KIZ: variants seen among roughly 807,000 people sequenced by gnomAD.
KIZ encodes kizuna centrosomal protein, also known as centrosomal protein kizuna.
In KIZ, 68 loss-of-function variants were observed where a neutral mutation model predicts 79.6. That is an observed-to-expected ratio of 0.85 (90% CI 0.70 to 1.05). The LOEUF (loss-of-function observed/expected upper bound fraction) is 1.05. Ranked by LOEUF, KIZ falls within the 50% of genes least tolerant of loss-of-function variation. The pLI, the probability that KIZ is intolerant of heterozygous loss-of-function variation, is 0.00. For synonymous variants in KIZ, 280 were observed against 281.8 expected (o/e 0.99, Z 0.06); for missense variants, 797 against 800.4 (o/e 1.00, Z 0.05).
chr20:21,167,297 A>G (rs1025955092), intron 6 of KIZ, among the ~76,000 whole-genome samples: 2 of 152,194 alleles, frequency 1.3e-5, no homozygotes, highest in African/African-American at 4.8e-5. Flanking sequence ...ACCCATAATG[A>G]CTGGGAACAG....
chr20:21,226,411 T>A (rs1426008904), intron 9 of KIZ: 2 of 152,306 alleles, frequency 1.3e-5, no homozygotes, highest in Non-Finnish European at 2.9e-5. Context: ...GCAGACTATG[T>A]ATTCTTTAAT....
intron 6 of KIZ, among the ~76,000 whole-genome samples, chr20:21,172,092 A>G (rs2034232736): frequency 6.6e-6 from 1 of 152,226 alleles, no homozygotes; most frequent in Non-Finnish European, 1.5e-5. Flanking sequence ...AATCCACAAA[A>G]GCATGAGATG....
At position 21,170,054 on chromosome 20, in the gene KIZ, C is replaced by T. The variant is rs369173177; in HGVS notation, c.1352+6895C>T. Among the ~76,000 whole-genome samples, 13 of 152,170 alleles carry T rather than the reference C, an allele frequency of 8.5e-5. No individual in the cohort carries two copies. In the East Asian group the frequency reaches 9.7e-4, roughly 11 times the overall value. On this transcript the variant is annotated intron_variant, in intron 6 of 12. Transcript: ENST00000619189. ...ATCTCTGTGCAGGTTTTTGTGTGGA[C>T]ATGTTTTCAACTTATTTGGGTAAAT... is the stretch of plus-strand genomic sequence containing the variant.
intron 9 of KIZ, among the ~76,000 whole-genome samples, chr20:21,219,924 G>T (rs1271943686): frequency 6.6e-6 from 1 of 152,094 alleles, no homozygotes; most frequent in Admixed American, 6.5e-5. Context: ...ACACACTGAT[G>T]CCCCACCCAC....
intron 1 of KIZ, among the ~76,000 whole-genome samples, chr20:21,128,511 A>G (rs952104635): frequency 6.6e-6 from 1 of 152,204 alleles, no homozygotes; most frequent in African/African-American, 2.4e-5. Context: ...GGTCATTGCA[A>G]TGTTAGCTGG....
At chr20:21,176,813 CAG>C (rs1378789277) in intron 6 of KIZ, among the ~76,000 whole-genome samples, 2 of 152,174 alleles carry the variant, frequency 1.3e-5, no homozygotes, top group Non-Finnish European at 2.9e-5. Context: ...AACTCTGTAA[CAG>C]AAATAAAGAA....
intron 6 of KIZ, among the ~76,000 whole-genome samples, chr20:21,193,360 T>C (rs2035198155): frequency 6.6e-6 from 1 of 152,200 alleles, no homozygotes. Context: ...TCTGTAGCCC[T>C]CATACAGGGT....
At chr20:21,152,733 T>G (rs2033180586) in intron 4 of KIZ, among the ~76,000 whole-genome samples, 1 of 152,190 alleles carries the variant, frequency 6.6e-6, no homozygotes, top group East Asian at 1.9e-4. Flanking sequence ...GGTGTTCTGT[T>G]TATTTTGTGA....
intron 6 of KIZ, among the ~76,000 whole-genome samples, chr20:21,186,580 A>G (rs1351520121): frequency 1.3e-5 from 2 of 149,322 alleles, no homozygotes; most frequent in Non-Finnish European, 3.0e-5. Flanking sequence ...CTAGTAGGCA[A>G]ACTAGATAGC....
chr20:21,192,369 C>CCG (rs1264258867), intron 6 of KIZ, among the ~76,000 whole-genome samples: 10 of 146,006 alleles, frequency 6.8e-5, no homozygotes, highest in Non-Finnish European at 1.5e-4. Context: ...AGGCTAGACT[C>CCG]CAACTCCTGG....
At chr20:21,231,008 T>C (rs2123438485) in intron 10 of KIZ, among the ~76,000 whole-genome samples, 1 of 151,506 alleles carries the variant, frequency 6.6e-6, no homozygotes, top group Non-Finnish European at 1.5e-5. Flanking sequence ...GTAAGTGTTA[T>C]TTTCAGTAGT....
intron 9 of KIZ, among the ~76,000 whole-genome samples, chr20:21,220,720 C>A (rs1335897623): frequency 1.3e-5 from 2 of 152,158 alleles, no homozygotes; most frequent in Non-Finnish European, 2.9e-5. Context: ...CCTAAAGATA[C>A]CCACCCACCT....
chr20:21,129,846 A>G (rs2031729077), intron 1 of KIZ, among the ~76,000 whole-genome samples: 1 of 152,190 alleles, frequency 6.6e-6, no homozygotes. Context: ...CAGATCCCTC[A>G]ACTATTAACA....
chr20:21,184,342 G>T lies in KIZ; in HGVS notation c.1353-21149G>T, dbSNP rs895133200. On this transcript the variant is annotated intron_variant, in intron 6 of 12. Coordinates refer to ENST00000619189, the MANE Select transcript of KIZ (RefSeq NM_018474.6). Reference sequence around the variant, plus strand: ...TTTTTTGTATTTTTAGTAGAGACGGGGTTTCACTGTGTTAGCCAGGCTGGT... The same window carrying T: ...TTTTTTGTATTTTTAGTAGAGACGGTGTTTCACTGTGTTAGCCAGGCTGGT... Among the ~76,000 whole-genome samples, 19 of 152,112 alleles carry T rather than the reference G, an allele frequency of 1.2e-4. No homozygotes were observed. In the East Asian group the frequency reaches 3.3e-3, roughly 26 times the overall value.
At chr20:21,202,630 C>T (rs1229137577) in intron 6 of KIZ, among the ~76,000 whole-genome samples, 1 of 152,126 alleles carries the variant, frequency 6.6e-6, no homozygotes, top group African/African-American at 2.4e-5. Context: ...TGTACCTAGA[C>T]TTACTTTCTT....
At chr20:21,234,804 C>G (rs1379316623) in intron 11 of KIZ, among the ~76,000 whole-genome samples, 2 of 148,910 alleles carry the variant, frequency 1.3e-5, no homozygotes, top group Non-Finnish European at 3.0e-5. Flanking sequence ...ATGGCTTCCT[C>G]TGATGTCCTA....
At chr20:21,202,398 A>G (rs1213254766) in intron 6 of KIZ, 2 of 152,238 alleles carry the variant, frequency 1.3e-5, no homozygotes, top group Non-Finnish European at 2.9e-5. Context: ...ATATAGATGC[A>G]AAGGTCAAAA....
At chr20:21,140,817 AAAAATTTAAAAAT>A (rs990701109) in intron 3 of KIZ, among the ~76,000 whole-genome samples, 27 of 152,074 alleles carry the variant, frequency 1.8e-4, no homozygotes, top group East Asian at 7.7e-4. Flanking sequence ...CATCTGTACA[AAAAATTTAAAAAT>A]AAAATTTAAA....
Position 21,214,705 on chromosome 20 carries a change from C to T in KIZ, c.1612+5C>T. 4 of 1,604,996 alleles carry T rather than the reference C, an allele frequency of 2.5e-6. No homozygotes were observed. The South Asian group carries it at 4.4e-5, about 18-fold the overall frequency. On this transcript the variant is annotated splice_donor_5th_base_variant and intron_variant, in intron 8 of 12. Transcript: ENST00000619189. ...GTGTTCCTACAAGGGAACAAGGTAA[C>T]TATTGTTAAAGTGTGTGTCCACAGC...
Sources: allele counts gnomAD v4.1 joint callset (sites outside exome capture counted in the v4.1 genomes callset), GRCh38; gene constraint gnomAD v4.1.1; transcripts MANE v1.5; gene names NCBI Gene and HGNC (gene_info 2026-07-23, HGNC 2026-07-21).